The following LAMTOR4 variants were observed in gnomAD, a reference collection of about 807,000 sequenced individuals.
LAMTOR4 encodes the protein late endosomal/lysosomal adaptor, MAPK and MTOR activator 4.
Under a neutral mutation model 13.5 loss-of-function variants are expected in LAMTOR4, and 11 were observed. The observed-to-expected ratio is 0.82, with a 90% confidence interval of 0.51 to 1.35. The LOEUF is 1.35. Among genes scored for constraint, LAMTOR4 ranks in the 40% most tolerant of loss-of-function variants. LAMTOR4 has a pLI of 0.00. For missense variants in LAMTOR4, 128 were observed against 126.2 expected (o/e 1.01, Z -0.07); for synonymous variants, 69 against 52.3 (o/e 1.32, Z -1.38).
chr7:100,150,554 C>G (rs896063726), intron 2 of LAMTOR4, among the ~76,000 whole-genome samples: 5 of 152,130 alleles, frequency 3.3e-5, no homozygotes, highest in Non-Finnish European at 5.9e-5. Context: ...ATCTTCAAGG[C>G]CAGGTTAACA....
intron 1 of LAMTOR4, 159 bp downstream of exon 1, chr7:100,149,134 G>T: frequency 1.1e-6 from 1 of 933,982 alleles, no homozygotes; most frequent in South Asian, 1.6e-5. Context: ...CGACGAGAAT[G>T]CTGGGGAGGG....
intron 1 of LAMTOR4, 31 bp downstream of exon 1, chr7:100,149,006 G>T (rs770301231): frequency 1.4e-5 from 23 of 1,604,716 alleles, no homozygotes; most frequent in Non-Finnish European, 2.0e-5. Context: ...GAGAGGACCC[G>T]CCGGGGGTTC....
At chr7:100,149,174 G>C (rs947572808) in intron 1 of LAMTOR4, 199 bp downstream of exon 1, 1 of 684,578 alleles carries the variant, frequency 1.5e-6, no homozygotes. Flanking sequence ...GGGGCTGCGG[G>C]TAGTCTGCAG....
chr7:100,150,154 C>G (rs1365580036), intron 2 of LAMTOR4, among the ~76,000 whole-genome samples: 1 of 152,082 alleles, frequency 6.6e-6, no homozygotes, highest in Non-Finnish European at 1.5e-5. Flanking sequence ...AGATTACAGG[C>G]GTGAGCCACC....
In LAMTOR4 at chr7:100,153,933, A is replaced by C; in HGVS notation, c.269A>C (p.Gln90Pro). Residue 90 changes from glutamine (Q) to proline (P), a missense_variant, in exon 4 of 4, where the codon CAG (glutamine) becomes CCG (proline). Transcript: ENST00000341942. The stretch of plus-strand genomic sequence containing the variant: ...CAGAGGGTGTTTGTGGTGAAGAGGC[A>C]GAACCGAGGTCGGGAGCCCATTGAT... ...SGQRVFVVKR[Q>P]NRGREPIDV The C allele has an allele frequency of 2.5e-6, 4 of 1,594,528 alleles. No individual in the cohort carries two copies. The highest frequency in any genetic ancestry group is 3.4e-6 in the Non-Finnish European group (4 of 1,171,164).
At chr7:100,149,308 G>A (rs757222853) in intron 1 of LAMTOR4, 191 bp from the exon 2 acceptor site, 3 of 634,786 alleles carry the variant, frequency 4.7e-6, no homozygotes, top group Non-Finnish European at 8.4e-6. Context: ...GGCGAGAGTG[G>A]GGGCAGATGG....
rs765866562 is a variant in LAMTOR4, at chr7:100,153,922, G to A, written c.258G>A (p.Val86=). The A allele has an allele frequency of 1.3e-6, 2 of 1,596,286 alleles. No individual in the cohort carries two copies. Among genetic ancestry groups the A allele is most frequent in the East Asian group, 2.3e-5 (1 of 44,350 alleles). The change falls in exon 4 of 4, where the codon GTG becomes GTA. Residue 86 remains valine (V), a synonymous_variant. Coordinates refer to ENST00000341942, the MANE Select transcript of LAMTOR4 (RefSeq NM_001008395.4). ...LVTVSGQRVF[V]VKRQNRGREP... ...CGGTGTCAGGACAGAGGGTGTTTGT[G>A]GTGAAGAGGCAGAACCGAGGTCGGG...
chr7:100,149,629 C>T, intron 2 of LAMTOR4, 50 bp downstream of exon 2: 1 of 1,390,940 alleles, frequency 7.2e-7, no homozygotes, highest in Non-Finnish European at 1.0e-6. Context: ...AGCCCGGTAA[C>T]CCCTTCTAAT....
intron 2 of LAMTOR4, chr7:100,149,815 G>A: frequency 1.2e-5 from 5 of 403,152 alleles, no homozygotes; most frequent in South Asian, 3.2e-5. Context: ...CGTTCTTGTT[G>A]CCCAAGCTGG....
In LAMTOR4 at chr7:100,154,118, C is replaced by CT. The variant is rs1798813654; in HGVS notation, c.*155dup. 4 of 644,682 alleles carry CT rather than the reference C, an allele frequency of 6.2e-6. No individual in the cohort carries two copies. Among genetic ancestry groups the CT allele is most frequent in the African/African-American group, 5.4e-5 (3 of 55,794 alleles). 39.9% of individuals were successfully genotyped at this position (644,682 alleles called of 1,614,324 possible). On this transcript the variant is annotated 3_prime_UTR_variant, in exon 4 of 4. Coordinates refer to ENST00000341942, the MANE Select transcript of LAMTOR4 (RefSeq NM_001008395.4). The stretch of plus-strand genomic sequence containing the variant: ...CTGGACGGGCCCAGGCTTGGGGACT[C>CT]TGAGCTGTGTTAAGGAGAACAAGGG...
chr7:100,149,484 A>G lies in LAMTOR4; in HGVS notation c.4-15A>G. The G allele has an allele frequency of 6.3e-7, 1 of 1,592,062 alleles. No individual in the cohort carries two copies. Among genetic ancestry groups the G allele is most frequent in the South Asian group, 1.1e-5 (1 of 90,624 alleles). ...CTCTAGCATGCTTCTCACGACTTGC[A>G]TCTTTACCCACTAGACTTCTGCGCT... On this transcript the variant is annotated splice_polypyrimidine_tract_variant and intron_variant, in intron 1 of 3. Transcript: ENST00000341942.
chr7:100,153,993 C>G lies in LAMTOR4; in HGVS notation c.*29C>G. The G allele has an allele frequency of 6.6e-7, 1 of 1,524,666 alleles. No individual in the cohort carries two copies. The highest frequency in any genetic ancestry group is 1.2e-5 in the South Asian group (1 of 83,876). The allele number at this position is 1,524,666 out of a possible 1,614,324, so 94.4% of individuals were successfully genotyped here. ...TGCCGGAGGGCGAGGGTCGGAGAAGCGGATTGGGTCCTGGGCCTCTGTGAT... is the reference window on the plus strand; with the variant it reads ...TGCCGGAGGGCGAGGGTCGGAGAAGGGGATTGGGTCCTGGGCCTCTGTGAT... On this transcript the variant is annotated 3_prime_UTR_variant, in exon 4 of 4. Coordinates refer to ENST00000341942, the MANE Select transcript of LAMTOR4 (RefSeq NM_001008395.4).
intron 2 of LAMTOR4, among the ~76,000 whole-genome samples, chr7:100,151,801 A>G (rs1301651032): frequency 6.6e-6 from 1 of 150,874 alleles, no homozygotes; most frequent in African/African-American, 2.4e-5. Flanking sequence ...GGCCCAAGCA[A>G]TCCTCCCGCC....
In LAMTOR4 at chr7:100,153,399, G is replaced by A. The variant is rs1217068053; in HGVS notation, c.85-1G>A. The A allele has an allele frequency of 3.1e-6, 5 of 1,605,136 alleles. No homozygotes were observed. The highest frequency in any genetic ancestry group is 4.3e-6 in the Non-Finnish European group (5 of 1,174,384). On this transcript the variant is annotated splice_acceptor_variant, in intron 2 of 3. Transcript: ENST00000341942. LOFTEE classifies it high-confidence loss of function. ...CCTCTCCCTCCTCCGTCTGCATGCA[G>A]TCATCTGGGGACCTGGAGAATGATG...
At position 100,149,561 on chromosome 7, in the gene LAMTOR4, T is replaced by G. The variant is rs756156667; in HGVS notation, c.66T>G (p.Ser22Arg). ...ACCAGCTCGGCTACCTGGTACTGAGTGAAGGTGCAGTGCTGGCGGTGCGTT... is the reference window on the plus strand; with the variant it reads ...ACCAGCTCGGCTACCTGGTACTGAGGGAAGGTGCAGTGCTGGCGGTGCGTT... ...IPDQLGYLVLSEGAVLASSGD... is the reference protein window; with the variant it reads ...IPDQLGYLVLREGAVLASSGD... The change falls in exon 2 of 4, where the codon AGT becomes AGG. Residue 22 changes from serine to arginine, a missense_variant. By Grantham distance (110) the Ser-to-Arg change is moderately radical (BLOSUM62 -1). Transcript: ENST00000341942. 85 of 1,613,682 alleles carry G rather than the reference T, an allele frequency of 5.3e-5. No homozygotes were observed. The highest frequency in any genetic ancestry group is 7.0e-5 in the Non-Finnish European group (83 of 1,179,834).
Position 100,153,881 on chromosome 7 carries a change from C to A in LAMTOR4, c.217C>A (p.His73Asn), listed in dbSNP as rs1031869591. 5 of 1,582,188 alleles carry A rather than the reference C, an allele frequency of 3.2e-6. 1 individual carries two copies. In the African/African-American group the frequency reaches 6.7e-5, roughly 21 times the overall value. Reference protein sequence around the residue: ...FKRLSVVFGEHTLLVTVSGQR... With the variant: ...FKRLSVVFGENTLLVTVSGQR... ...CTCTCCTCCAGTGGTCTTTGGAGAACACACACTGCTGGTGACGGTGTCAGG... is the reference window on the plus strand; with the variant it reads ...CTCTCCTCCAGTGGTCTTTGGAGAAAACACACTGCTGGTGACGGTGTCAGG... The change falls in exon 4 of 4, where the codon CAC (histidine) becomes AAC (asparagine). Residue 73 changes from histidine to asparagine, a missense_variant. Physicochemically the swap from His to Asn is moderately conservative, Grantham distance 68. Coordinates refer to ENST00000341942, the MANE Select transcript of LAMTOR4 (RefSeq NM_001008395.4).
rs772555197 is a variant in LAMTOR4, at chr7:100,149,631, C to T, written c.84+52C>T. On this transcript the variant is annotated intron_variant, in intron 2 of 3. Transcript: ENST00000341942. The stretch of plus-strand genomic sequence containing the variant: ...CCTTAGTGCACACAGCCCGGTAACC[C>T]CTTCTAATATTGGCCCTTCTTTTCT... 9.5e-6 allele frequency: 13 copies of T among 1,367,218 alleles called. 1 individual carries two copies. The Admixed American group carries it at 1.0e-4, about 11-fold the overall frequency. The allele number at this position is 1,367,218 out of a possible 1,614,324, so 84.7% of individuals were successfully genotyped here.
At chr7:100,149,242 A>G in intron 1 of LAMTOR4, 1 of 604,042 alleles carries the variant, frequency 1.7e-6, no homozygotes, top group Non-Finnish European at 2.9e-6. Flanking sequence ...CCAGTGGGGC[A>G]GCAAAGGCCC....
intron 1 of LAMTOR4, 33 bp from the exon 2 acceptor site, chr7:100,149,466 A>C: frequency 6.8e-7 from 1 of 1,478,834 alleles, no homozygotes. Flanking sequence ...TCCCTCTAGC[A>C]TGCTTCTCAC....
Sources: allele counts gnomAD v4.1 joint callset (sites outside exome capture counted in the v4.1 genomes callset), GRCh38; gene constraint gnomAD v4.1.1; transcripts MANE v1.5; gene names NCBI Gene and HGNC (gene_info 2026-07-23, HGNC 2026-07-21).